DYNC2H1: variants seen among roughly 807,000 people sequenced by gnomAD.
The protein encoded by DYNC2H1 is cytoplasmic dynein 2 heavy chain 1.
DYNC2H1 carries 410 observed loss-of-function variants against 570.0 expected under a neutral mutation model. That is an observed-to-expected ratio of 0.72 (90% CI 0.66 to 0.78). The LOEUF (loss-of-function observed/expected upper bound fraction) is 0.78, where lower values mean the gene tolerates loss of function less well. Ranked by LOEUF, DYNC2H1 falls within the 30% of genes least tolerant of loss-of-function variation. DYNC2H1 has a pLI of 0.00. For synonymous variants in DYNC2H1, 1,688 were observed against 1,677.6 expected, an observed-to-expected ratio of 1.01 and a Z score of -0.15; for missense variants, 4,865 against 5,046.4, an observed-to-expected ratio of 0.96 and a Z score of 1.09.
At chr11:103,393,033 ACCACCATGC>A (rs1308636623) in intron 83 of DYNC2H1, among the ~76,000 whole-genome samples, 2 of 151,986 alleles carry the variant, frequency 1.3e-5, no homozygotes, top group Non-Finnish European at 2.9e-5. Context: ...ACAGGTGTGC[ACCACCATGC>A]CCAGCTAATT....
intron 59 of DYNC2H1, among the ~76,000 whole-genome samples, chr11:103,226,357 T>C (rs148436768): frequency 0.015 from 2,351 of 152,336 alleles, 27 homozygotes; most frequent in Middle Eastern, 0.031. Context: ...GGGTTTGCCA[T>C]AGATGGCTTT....
intron 59 of DYNC2H1, among the ~76,000 whole-genome samples, chr11:103,226,245 C>T (rs1863796282): frequency 6.6e-6 from 1 of 152,106 alleles, no homozygotes; most frequent in Non-Finnish European, 1.5e-5. Context: ...ACTTACAGTG[C>T]TATGTTGAAT....
intron 53 of DYNC2H1, among the ~76,000 whole-genome samples, chr11:103,211,060 G>C (rs1183494599): frequency 6.6e-6 from 1 of 152,050 alleles, no homozygotes; most frequent in African/African-American, 2.4e-5. Context: ...AGTAATCTAA[G>C]AGAGACAAGA....
In DYNC2H1 at chr11:103,289,131, C is replaced by A. The variant is rs957074769; in HGVS notation, c.11095+1526C>A. 2.0e-5 allele frequency among the ~76,000 whole-genome samples: 3 copies of A among 152,180 alleles called. No homozygotes were observed. The highest frequency in any genetic ancestry group is 2.9e-5 in the Non-Finnish European group (2 of 68,028). ...ACAGCAAGAAAACCTCACTTCACCC[C>A]CACTGTGATTCCATCTCCAATGTGA... On this transcript the variant is annotated intron_variant, in intron 75 of 88. Transcript: ENST00000375735. This position sits in a 1 kb window ranked among gnomAD's most constrained non-coding sequence, Gnocchi z 4.2.
chr11:103,250,560 A>G (rs1864790889), intron 65 of DYNC2H1, among the ~76,000 whole-genome samples: 1 of 152,090 alleles, frequency 6.6e-6, no homozygotes, highest in African/African-American at 2.4e-5. Flanking sequence ...TGCGTAGCCA[A>G]CCAACTTTTA....
At chr11:103,321,353 A>G in intron 81 of DYNC2H1, 116 bp downstream of exon 81, 1 of 1,102,472 alleles carries the variant, frequency 9.1e-7, no homozygotes, top group Non-Finnish European at 1.3e-6. Context: ...CACAGTTTGG[A>G]TTATTTGTTA....
Position 103,181,665 on chromosome 11 carries a change from C to T in DYNC2H1, c.6348-92C>T, listed in dbSNP as rs550445234. Reference sequence around the variant, plus strand: ...TGTATGCTAGCAGACAAAATATGTGCGTAGAATAATGTTTATTGGAGAAGA... The same window carrying T: ...TGTATGCTAGCAGACAAAATATGTGTGTAGAATAATGTTTATTGGAGAAGA... On this transcript the variant is annotated intron_variant, in intron 39 of 88. Transcript: ENST00000375735. The surrounding 1 kb of genome is among the most constrained non-coding windows in gnomAD (Gnocchi z 5.0). The T allele has an allele frequency of 4.2e-5, 56 of 1,332,654 alleles. No individual in the cohort carries two copies. Among genetic ancestry groups the T allele is most frequent in the Middle Eastern group, 2.7e-4 (1 of 3,716 alleles). 82.6% of individuals were successfully genotyped at this position (1,332,654 alleles called of 1,614,324 possible). A position where few individuals can be genotyped will look rare whatever the true frequency, so the allele number is the denominator to read the frequency against.
At chr11:103,169,050 A>C (rs1293418446) in intron 32 of DYNC2H1, 90 bp downstream of exon 32, 1 of 1,160,050 alleles carries the variant, frequency 8.6e-7, no homozygotes, top group Non-Finnish European at 1.2e-6. Context: ...TTTTTATTTA[A>C]GTAGTAATTT....
chr11:103,152,008 A>T (rs1278562267), intron 20 of DYNC2H1, 128 bp from the exon 21 acceptor site: 46 of 1,071,864 alleles, frequency 4.3e-5, no homozygotes, highest in Non-Finnish European at 3.8e-5. Flanking sequence ...AATTTAACAA[A>T]CTGTTTAAAT....
chr11:103,479,296 G>C lies in DYNC2H1; in HGVS notation c.*43G>C. 1 of 1,577,208 alleles carries C rather than the reference G, an allele frequency of 6.3e-7. No individual in the cohort carries two copies. ...AGCCATCTTCACAAAAGGGAACATT[G>C]ATTCTTTAAGCTTTAAATCAAACAT... is the stretch of plus-strand genomic sequence containing the variant. On this transcript the variant is annotated 3_prime_UTR_variant, in exon 89 of 89. Coordinates refer to ENST00000375735, the MANE Select transcript of DYNC2H1 (RefSeq NM_001377.3).
chr11:103,122,906 C>G lies in DYNC2H1; in HGVS notation c.1567C>G (p.Leu523Val). The G allele has an allele frequency of 1.2e-5, 20 of 1,612,910 alleles. No homozygotes were observed. The highest frequency in any genetic ancestry group is 4.5e-5 in the East Asian group (2 of 44,824). Residue 523 changes from leucine to valine, a missense_variant, in exon 11 of 89, where the codon CTC (leucine) becomes GTC (valine). Physicochemically the swap from Leu to Val is conservative, Grantham distance 32. This residue lies in a region of DYNC2H1 where 1,936 missense variants were observed against 1,962.1 expected (regional missense o/e 0.99). Transcript: ENST00000375735. ...ATGTTTCCATCAAAGTGCCAAAGAT[C>G]TCTTAGACCAGCTTAAACTATATGA... ...FRCFHQSAKD[L>V]LDQLKLYEQE...
At chr11:103,445,188 G>A (rs140814120) in intron 85 of DYNC2H1, among the ~76,000 whole-genome samples, 16 of 152,208 alleles carry the variant, frequency 1.1e-4, no homozygotes, top group Non-Finnish European at 1.9e-4. Flanking sequence ...TCATAAAAAC[G>A]AACTAGTTGA....
chr11:103,479,248 C>G lies in DYNC2H1; in HGVS notation c.12919C>G (p.Gln4307Glu). The G allele has an allele frequency of 1.9e-6, 3 of 1,609,618 alleles. No homozygotes were observed. Among genetic ancestry groups the G allele is most frequent in the Non-Finnish European group, 2.5e-6 (3 of 1,177,746 alleles). The change falls in exon 89 of 89, where the codon CAG becomes GAG. Residue 4307 changes from glutamine (Q) to glutamate (E), a missense_variant. This residue lies in a region of DYNC2H1 where 2,401 missense variants were observed against 2,454.6 expected (regional missense o/e 0.98). Transcript: ENST00000375735. ...TGGAGCAGCTCTATTCCTAAAAAATCAGTAGAATCTAATGACAACAAAAGC... is the reference window on the plus strand; with the variant it reads ...TGGAGCAGCTCTATTCCTAAAAAATGAGTAGAATCTAATGACAACAAAAGC... ...QCGAALFLKNQ is the reference protein window; with the variant it reads ...QCGAALFLKNE
intron 84 of DYNC2H1, among the ~76,000 whole-genome samples, chr11:103,429,292 T>G (rs1943802817): frequency 6.6e-6 from 1 of 151,926 alleles, no homozygotes. Context: ...AACCTGAGGT[T>G]AGTTTTTCAT....
chr11:103,426,001 C>T lies in DYNC2H1; in HGVS notation c.12367-9942C>T, dbSNP rs140050496. 5.5e-3 allele frequency among the ~76,000 whole-genome samples: 838 copies of T among 152,220 alleles called. 12 individuals carry two copies. The highest frequency in any genetic ancestry group is 0.019 in the African/African-American group (806 of 41,518). ...ATGTACGTGATGGCCATGATGCCCA[C>T]GCTGAAGGTTGTGGGTTTACCAGAA... On this transcript the variant is annotated intron_variant, in intron 84 of 88. Coordinates refer to ENST00000375735, the MANE Select transcript of DYNC2H1 (RefSeq NM_001377.3).
At position 103,252,598 on chromosome 11, in the gene DYNC2H1, A is replaced by T; in HGVS notation, c.10043-687A>T. Among the ~76,000 whole-genome samples, 1 of 152,124 alleles carries T rather than the reference A, an allele frequency of 6.6e-6. No homozygotes were observed. Among genetic ancestry groups the T allele is most frequent in the Non-Finnish European group, 1.5e-5 (1 of 68,006 alleles). ...GATTTGCATTTCCTCATGATAAGTG[A>T]TGTTGAGCATCGTTTCATATAGCTG... On this transcript the variant is annotated intron_variant, in intron 65 of 88. Transcript: ENST00000375735. This position sits in a 1 kb window ranked among gnomAD's most constrained non-coding sequence, Gnocchi z 4.6.
chr11:103,130,754 C>T (rs1361542094), intron 13 of DYNC2H1, among the ~76,000 whole-genome samples: 1 of 152,070 alleles, frequency 6.6e-6, no homozygotes, highest in African/African-American at 2.4e-5. Context: ...ACTTTTTCTT[C>T]CCTAATAAAT....
chr11:103,449,953 C>G (rs561016), intron 85 of DYNC2H1, among the ~76,000 whole-genome samples: 54,094 of 151,888 alleles, frequency 0.36, 10,221 homozygotes, highest in African/African-American at 0.48. Flanking sequence ...CATAAGGCAT[C>G]ATGGCATTGC....
rs1866207021 is a variant in DYNC2H1, at chr11:103,283,063, G to C, written c.10868G>C (p.Ser3623Thr). The C allele has an allele frequency of 6.2e-7, 1 of 1,608,134 alleles. No homozygotes were observed. The highest frequency in any genetic ancestry group is 1.7e-5 in the Admixed American group (1 of 59,640). Residue 3623 changes from serine (S) to threonine (T), a missense_variant, in exon 73 of 89, where the codon AGC becomes ACC. Ser to Thr is a moderately conservative substitution (Grantham distance 58). Around this residue, in one of 5 missense-constraint regions of DYNC2H1, gnomAD observed 2,401 missense variants for 2,454.6 expected, o/e 0.98. Transcript: ENST00000375735. ...CCGTCTTGGATAGATCAGGAACGAA[G>C]CTGGGCCGTGGCAACATTAAAGGTA... ...QLPSWIDQER[S>T]WAVATLKIAL...
Sources: allele counts gnomAD v4.1 joint callset (sites outside exome capture counted in the v4.1 genomes callset), GRCh38; gene constraint gnomAD v4.1.1; regional missense constraint gnomAD v4.1.1; non-coding constraint Gnocchi (gnomAD v3.1); transcripts MANE v1.5; gene names NCBI Gene and HGNC (gene_info 2026-07-23, HGNC 2026-07-21).